EBF1: variants seen among roughly 807,000 people sequenced by gnomAD.
The protein encoded by EBF1 is transcription factor COE1.
Under a neutral mutation model 68.4 loss-of-function variants are expected in EBF1, and 10 were observed. That is an observed-to-expected ratio of 0.15 (90% CI 0.09 to 0.25). The LOEUF is 0.25. Ranked by LOEUF, EBF1 falls within the 10% of genes least tolerant of loss-of-function variation. The pLI is 1.00. For synonymous variants in EBF1, 298 were observed against 299.8 expected (o/e 0.99, Z 0.06); for missense variants, 509 against 794.4 (o/e 0.64, Z 4.32).
chr5:158,810,194 A>G (rs1782387811), intron 8 of EBF1, among the ~76,000 whole-genome samples: 1 of 152,212 alleles, frequency 6.6e-6, no homozygotes, highest in African/African-American at 2.4e-5. Flanking sequence ...CTATCAAGAA[A>G]TGATCCAATA....
intron 6 of EBF1, among the ~76,000 whole-genome samples, chr5:158,845,580 C>T (rs1791302458): frequency 6.6e-6 from 1 of 151,826 alleles, no homozygotes; most frequent in Non-Finnish European, 1.5e-5. Flanking sequence ...GCCTAGCACT[C>T]AGAGATGTTG....
At chr5:158,841,507 C>A (rs1171699346) in intron 6 of EBF1, among the ~76,000 whole-genome samples, 1 of 152,204 alleles carries the variant, frequency 6.6e-6, no homozygotes, top group East Asian at 1.9e-4. Context: ...CAACTGAATT[C>A]TTGTTGTAAT....
At chr5:159,074,633 G>T (rs1006969686) in intron 5 of EBF1, among the ~76,000 whole-genome samples, 1 of 152,200 alleles carries the variant, frequency 6.6e-6, no homozygotes, top group Non-Finnish European at 1.5e-5. Context: ...CCTGCGTAGG[G>T]AGTCCTTCAC....
chr5:159,028,580 A>G (rs1455021837), intron 6 of EBF1, among the ~76,000 whole-genome samples: 1 of 152,208 alleles, frequency 6.6e-6, no homozygotes, highest in Admixed American at 6.5e-5. Context: ...AAAGAAAGAA[A>G]CAAATAAGAG....
At chr5:158,843,159 T>C (rs1790668635) in intron 6 of EBF1, among the ~76,000 whole-genome samples, 2 of 152,164 alleles carry the variant, frequency 1.3e-5, no homozygotes, top group Admixed American at 1.3e-4. Context: ...CCCTGCTTGC[T>C]TCCCCAGGGT....
chr5:158,860,693 G>T (rs753654838), intron 6 of EBF1, among the ~76,000 whole-genome samples: 4 of 152,188 alleles, frequency 2.6e-5, no homozygotes, highest in Non-Finnish European at 5.9e-5. Flanking sequence ...TTAAGGTTTG[G>T]TAAGACAAAC....
intron 14 of EBF1, 62 bp from the exon 15 acceptor site, chr5:158,708,235 C>A: frequency 6.6e-7 from 1 of 1,506,792 alleles, no homozygotes; most frequent in Middle Eastern, 1.9e-4. Context: ...AGCAAAGAAG[C>A]TCAGATCCAT....
At chr5:159,031,215 A>G (rs1312834113) in intron 6 of EBF1, among the ~76,000 whole-genome samples, 2 of 152,232 alleles carry the variant, frequency 1.3e-5, no homozygotes, top group Non-Finnish European at 2.9e-5. Context: ...GCCCAGGGAC[A>G]GGCTGGGATG....
chr5:158,700,528 G>C (rs1264534828), intron 15 of EBF1, among the ~76,000 whole-genome samples: 1 of 141,600 alleles, frequency 7.1e-6, no homozygotes, highest in Non-Finnish European at 1.5e-5. Flanking sequence ...AAAAAAAAAA[G>C]CGAACCCCAG....
intron 6 of EBF1, among the ~76,000 whole-genome samples, chr5:158,985,614 T>C (rs897642493): frequency 2.6e-5 from 4 of 152,362 alleles, no homozygotes; most frequent in African/African-American, 9.6e-5. Flanking sequence ...TACTTTTTTG[T>C]TTGTTTTTAA....
chr5:159,048,481 G>T (rs1772888541), intron 6 of EBF1, among the ~76,000 whole-genome samples: 2 of 152,172 alleles, frequency 1.3e-5, no homozygotes, highest in African/African-American at 4.8e-5. Flanking sequence ...AACCAAGAGG[G>T]GACAGGTGCC....
At chr5:158,823,051 C>T in intron 8 of EBF1, 125 bp downstream of exon 8, 1 of 1,338,858 alleles carries the variant, frequency 7.5e-7, no homozygotes, top group Non-Finnish European at 1.1e-6. Flanking sequence ...CCTAGAGGAC[C>T]AATCTTATTC....
rs201893210 is a variant in EBF1 at position 158,707,995 on chromosome 5, G to A, written c.1728C>T (p.Asn576=). 165 of 1,550,006 alleles carry A rather than the reference G, an allele frequency of 1.1e-4. No homozygotes were observed. The highest frequency in any genetic ancestry group is 2.0e-4 in the Admixed American group (10 of 51,034). Residue 576 remains asparagine, a synonymous_variant, in exon 15 of 16, where the codon AAC becomes AAT. Coordinates refer to ENST00000313708, the MANE Select transcript of EBF1 (RefSeq NM_024007.5). ...GGGGCTTACCTTGCAGGCTGTTCCC[G>A]TTGGTGCTGGTGCAGGTGGGAGGTG... is the stretch of plus-strand genomic sequence containing the variant. ...TSPPPTCTST[N]GNSLQAISGM... is the part of the protein sequence containing the mutation.
At chr5:158,808,899 T>C (rs1251630229) in intron 8 of EBF1, among the ~76,000 whole-genome samples, 2 of 152,200 alleles carry the variant, frequency 1.3e-5, no homozygotes, top group Admixed American at 1.3e-4. Context: ...AACAGTTACT[T>C]GCCAAAAAGA....
At chr5:158,709,330 T>A (rs1452971335) in intron 14 of EBF1, among the ~76,000 whole-genome samples, 8 of 151,802 alleles carry the variant, frequency 5.3e-5, no homozygotes, top group African/African-American at 1.9e-4. Context: ...CACATATATT[T>A]TTTTTTTTTT....
chr5:159,073,166 C>G (rs1390243862), intron 6 of EBF1, among the ~76,000 whole-genome samples: 1 of 152,084 alleles, frequency 6.6e-6, no homozygotes, highest in Non-Finnish European at 1.5e-5. Flanking sequence ...AAATATATTC[C>G]TTTAGGAGCA....
intron 10 of EBF1, among the ~76,000 whole-genome samples, chr5:158,739,796 AG>A (rs1765925529): frequency 6.6e-6 from 1 of 152,166 alleles, no homozygotes; most frequent in Admixed American, 6.5e-5. Context: ...GCTGTTATCA[AG>A]GGGGTAAAAT....
At chr5:159,016,027 A>T (rs1318732609) in intron 6 of EBF1, among the ~76,000 whole-genome samples, 1 of 152,224 alleles carries the variant, frequency 6.6e-6, no homozygotes, top group African/African-American at 2.4e-5. Flanking sequence ...TCCTGTCTTT[A>T]AGAAAATTGT....
At chr5:158,835,266 G>C (rs559971520) in intron 7 of EBF1, among the ~76,000 whole-genome samples, 30 of 152,230 alleles carry the variant, frequency 2.0e-4, no homozygotes, top group Non-Finnish European at 4.0e-4. Flanking sequence ...AGATGTCTTC[G>C]GGGTGATTTA....
Sources: allele counts gnomAD v4.1 joint callset (sites outside exome capture counted in the v4.1 genomes callset), GRCh38; gene constraint gnomAD v4.1.1; transcripts MANE v1.5; gene names NCBI Gene and HGNC (gene_info 2026-07-23, HGNC 2026-07-21).